The following SLC39A11 variants were observed in gnomAD, a reference collection of about 807,000 sequenced individuals.
SLC39A11 encodes zinc transporter ZIP11.
In SLC39A11, 33 loss-of-function variants were observed where a neutral mutation model predicts 36.1. The observed-to-expected ratio is 0.91, with a 90% confidence interval of 0.69 to 1.22. The LOEUF is 1.22. SLC39A11 is among the 50% of genes most tolerant of loss of function. The pLI is 0.00. For missense variants in SLC39A11, 432 were observed against 430.3 expected, an observed-to-expected ratio of 1.00 and a Z score of -0.03; for synonymous variants, 166 against 170.3, an observed-to-expected ratio of 0.97 and a Z score of 0.20.
chr17:72,697,154 C>A (rs2072342457), intron 7 of SLC39A11, among the ~76,000 whole-genome samples: 1 of 152,200 alleles, frequency 6.6e-6, no homozygotes, highest in African/African-American at 2.4e-5. Flanking sequence ...CTGATCACAG[C>A]TCGCTGCAAC....
At chr17:72,716,298 C>T (rs931803116) in intron 7 of SLC39A11, among the ~76,000 whole-genome samples, 6 of 151,644 alleles carry the variant, frequency 4.0e-5, no homozygotes, top group Non-Finnish European at 5.9e-5. Context: ...TAAGAACAAG[C>T]GGGAGGCGGA....
chr17:72,885,306 T>A (rs1295062080), intron 5 of SLC39A11, among the ~76,000 whole-genome samples: 3 of 142,640 alleles, frequency 2.1e-5, no homozygotes, highest in Non-Finnish European at 4.5e-5. Context: ...CTTTTGCAAA[T>A]CAAGCATTGG....
intron 5 of SLC39A11, among the ~76,000 whole-genome samples, chr17:72,933,891 C>A (rs2084582407): frequency 6.6e-6 from 1 of 152,080 alleles, no homozygotes; most frequent in Non-Finnish European, 1.5e-5. Flanking sequence ...CGCACAAAAA[C>A]CAATGAATCA....
intron 5 of SLC39A11, among the ~76,000 whole-genome samples, chr17:72,914,294 C>G (rs1054930886): frequency 2.7e-5 from 4 of 146,940 alleles, no homozygotes; most frequent in Non-Finnish European, 6.0e-5. Context: ...CCAGCCTGGA[C>G]GACAGAGCGA....
chr17:72,802,042 C>T (rs1041670442), intron 6 of SLC39A11, among the ~76,000 whole-genome samples: 1 of 152,146 alleles, frequency 6.6e-6, no homozygotes, highest in African/African-American at 2.4e-5. Flanking sequence ...TAAGACATTC[C>T]CTGGCCTACA....
chr17:72,686,739 A>G (rs1376051809), intron 7 of SLC39A11, among the ~76,000 whole-genome samples: 1 of 152,178 alleles, frequency 6.6e-6, no homozygotes, highest in Non-Finnish European at 1.5e-5. Context: ...GGGCCTATGA[A>G]AAAAGAGACT....
intron 3 of SLC39A11, among the ~76,000 whole-genome samples, chr17:73,075,388 CTG>C (rs1568232289): frequency 6.6e-6 from 1 of 152,222 alleles, no homozygotes; most frequent in Non-Finnish European, 1.5e-5. Flanking sequence ...GACATCTTAT[CTG>C]GGTTTCATCC....
intron 7 of SLC39A11, among the ~76,000 whole-genome samples, chr17:72,720,874 C>T (rs1260134077): frequency 6.6e-6 from 1 of 152,130 alleles, no homozygotes; most frequent in Admixed American, 6.5e-5. Context: ...ATCAATAGTG[C>T]CTATTCATCC....
Position 72,647,409 on chromosome 17 carries a change from C to A in SLC39A11, c.*175G>T, listed in dbSNP as rs149995548. The A allele has an allele frequency of 1.1e-5, 5 of 462,268 alleles. No homozygotes were observed. The East Asian group carries it at 1.8e-4, about 16-fold the overall frequency. 28.6% of individuals were successfully genotyped at this position (462,268 alleles called of 1,614,324 possible). Reference sequence around the variant, plus strand: ...AAATTCCCCATTAAATCAAAAATCTCCCTCAAAGCAAAGTAAAAATGGTTC... The same window carrying A: ...AAATTCCCCATTAAATCAAAAATCTACCTCAAAGCAAAGTAAAAATGGTTC... On this transcript the variant is annotated 3_prime_UTR_variant, in exon 10 of 10. Coordinates refer to ENST00000255559, the MANE Select transcript of SLC39A11 (RefSeq NM_139177.4).
chr17:72,708,924 A>G (rs1209196291), intron 7 of SLC39A11, among the ~76,000 whole-genome samples: 1 of 149,870 alleles, frequency 6.7e-6, no homozygotes, highest in Admixed American at 6.6e-5. Flanking sequence ...AACCTAGGCA[A>G]AGCCTTTTTT....
chr17:72,899,936 T>C (rs2082233810), intron 5 of SLC39A11, among the ~76,000 whole-genome samples: 1 of 142,428 alleles, frequency 7.0e-6, no homozygotes, highest in Non-Finnish European at 1.5e-5. Context: ...TATTCCAGCC[T>C]GGGTGACACA....
chr17:73,035,119 C>A (rs1042238128), intron 3 of SLC39A11, among the ~76,000 whole-genome samples: 47 of 152,122 alleles, frequency 3.1e-4, no homozygotes, highest in Admixed American at 5.2e-4. Context: ...GCACCCAAAG[C>A]AAAATTCTTT....
At position 72,942,066 on chromosome 17, in the gene SLC39A11, T is replaced by TA. The variant is rs199806577; in HGVS notation, c.430+5685_430+5686insT. ...TGGCTAATTTTTGTATTATTATTATTTTTTTTTTAGTAGAGACAGGGGTTT... is the reference window on the plus strand; with the variant it reads ...TGGCTAATTTTTGTATTATTATTATTATTTTTTTTAGTAGAGACAGGGGTTT... On this transcript the variant is annotated intron_variant, in intron 5 of 9. Coordinates refer to ENST00000255559, the MANE Select transcript of SLC39A11 (RefSeq NM_139177.4). Among the ~76,000 whole-genome samples, 1,379 of 150,308 alleles carry TA rather than the reference T, an allele frequency of 9.2e-3. 15 individuals carry two copies. Among genetic ancestry groups the TA allele is most frequent in the African/African-American group, 0.03 (1,245 of 41,004 alleles).
chr17:72,758,631 C>T (rs574101435), intron 6 of SLC39A11, among the ~76,000 whole-genome samples: 6 of 152,198 alleles, frequency 3.9e-5, no homozygotes, highest in East Asian at 1.9e-4. Context: ...GCCTGGAACA[C>T]GGGTGGGATG....
intron 6 of SLC39A11, among the ~76,000 whole-genome samples, chr17:72,793,434 C>A (rs114687917): frequency 7.9e-4 from 121 of 152,210 alleles, no homozygotes; most frequent in African/African-American, 2.7e-3. Context: ...GCCTGGTACC[C>A]TAAGGTGTTT....
intron 6 of SLC39A11, among the ~76,000 whole-genome samples, chr17:72,818,363 G>A (rs1480034977): frequency 6.6e-6 from 1 of 152,138 alleles, no homozygotes; most frequent in East Asian, 1.9e-4. Context: ...GACACCTGGA[G>A]AGGTATCTGG....
chr17:72,907,310 T>C (rs1567928143), intron 5 of SLC39A11, among the ~76,000 whole-genome samples: 1 of 152,126 alleles, frequency 6.6e-6, no homozygotes, highest in African/African-American at 2.4e-5. Flanking sequence ...GCCAACATGA[T>C]GAAACCCTGT....
chr17:72,648,254 T>TG (rs1284966638), intron 9 of SLC39A11, among the ~76,000 whole-genome samples: 2 of 147,556 alleles, frequency 1.4e-5, no homozygotes, highest in African/African-American at 5.0e-5. Flanking sequence ...CACTTGAACC[T>TG]GGGGGGCGGA....
chr17:72,900,657 G>C (rs1407246213), intron 5 of SLC39A11, among the ~76,000 whole-genome samples: 1 of 151,804 alleles, frequency 6.6e-6, no homozygotes, highest in East Asian at 1.9e-4. Flanking sequence ...ATTTGTGAGG[G>C]GGGCAGGCGC....
Sources: allele counts gnomAD v4.1 joint callset (sites outside exome capture counted in the v4.1 genomes callset), GRCh38; gene constraint gnomAD v4.1.1; transcripts MANE v1.5; gene names NCBI Gene and HGNC (gene_info 2026-07-23, HGNC 2026-07-21).